Variants in SLA observed in about 807,000 individuals in gnomAD.
SLA encodes the protein Src like adaptor, also known as src-like-adapter.
In SLA, 16 loss-of-function variants were observed where a neutral mutation model predicts 30.3. That is an observed-to-expected ratio of 0.53 (90% CI 0.36 to 0.80). SLA has a LOEUF of 0.80. Ranked by LOEUF, SLA falls within the 30% of genes least tolerant of loss-of-function variation. The pLI is 0.01. For synonymous variants in SLA, 143 were observed against 137.8 expected, an observed-to-expected ratio of 1.04 and a Z score of -0.26; for missense variants, 310 against 345.2, an observed-to-expected ratio of 0.90 and a Z score of 0.81.
intron 1 of SLA, chr8:133,096,195 A>C (rs1262994175): frequency 6.2e-7 from 1 of 1,614,208 alleles, no homozygotes; most frequent in Admixed American, 1.7e-5. Flanking sequence ...TTATTGTTGC[A>C]TCCAATGCAG....
Position 133,050,923 on chromosome 8 carries a change from A to T in SLA, c.62-8T>A. On this transcript the variant is annotated splice_polypyrimidine_tract_variant and splice_region_variant and intron_variant, in intron 3 of 8. Coordinates refer to ENST00000338087, the MANE Select transcript of SLA (RefSeq NM_001045556.3). Reference sequence around the variant, plus strand: ...GGAAGTCGCTATCCAGTCCTGGGGAAACAAAGGCAAGGGGGAAGGGGGCAA... The same window carrying T: ...GGAAGTCGCTATCCAGTCCTGGGGATACAAAGGCAAGGGGGAAGGGGGCAA... The T allele has an allele frequency of 6.3e-7, 1 of 1,589,644 alleles. No homozygotes were observed.
intron 3 of SLA, among the ~76,000 whole-genome samples, chr8:133,056,009 G>T (rs1255949662): frequency 6.6e-6 from 1 of 152,124 alleles, no homozygotes. Context: ...GGCACAGTGA[G>T]GTCCAGAGAC....
chr8:133,060,093 G>C lies in SLA; in HGVS notation c.61+7C>G, dbSNP rs750513703. 4.4e-6 allele frequency: 7 copies of C among 1,591,482 alleles called. No homozygotes were observed. In the East Asian group the frequency reaches 1.6e-4, roughly 36 times the overall value. On this transcript the variant is annotated splice_region_variant and intron_variant, in intron 3 of 8. Coordinates refer to ENST00000338087, the MANE Select transcript of SLA (RefSeq NM_001045556.3). ...CTCAAGCATCTCACCAGAGAAGCCA[G>C]ACTTACCCTCCGGGTTGGGCAGGGG...
intron 8 of SLA, among the ~76,000 whole-genome samples, chr8:133,039,561 GT>G (rs1837762238): frequency 6.6e-6 from 1 of 152,036 alleles, no homozygotes; most frequent in Non-Finnish European, 1.5e-5. Context: ...ATCCATGAAA[GT>G]TTTTTTCTCT....
At chr8:133,101,386 G>A (rs538951965) in intron 1 of SLA, among the ~76,000 whole-genome samples, 7 of 152,252 alleles carry the variant, frequency 4.6e-5, no homozygotes, top group Admixed American at 3.9e-4. Flanking sequence ...TTGGGCTTGT[G>A]CATTTCTCTG....
intron 1 of SLA, among the ~76,000 whole-genome samples, chr8:133,090,730 A>C (rs1373379193): frequency 6.6e-6 from 1 of 152,176 alleles, no homozygotes; most frequent in Non-Finnish European, 1.5e-5. Flanking sequence ...TGATCATAAT[A>C]TCTCCATTTT....
rs531996021 is a variant in SLA, at chr8:133,099,080, G to T, written c.-319+3473C>A. Among the ~76,000 whole-genome samples, 14 of 152,304 alleles carry T rather than the reference G, an allele frequency of 9.2e-5. No individual in the cohort carries two copies. In the South Asian group the frequency reaches 2.9e-3, roughly 32 times the overall value. On this transcript the variant is annotated intron_variant, in intron 1 of 8. Coordinates refer to ENST00000338087, the MANE Select transcript of SLA (RefSeq NM_001045556.3). Reference sequence around the variant, plus strand: ...TTTGTTTACTTGCAAAGAAAGATGGGGCCACCAGCAGGAGGCTCACTGCCA... The same window carrying T: ...TTTGTTTACTTGCAAAGAAAGATGGTGCCACCAGCAGGAGGCTCACTGCCA...
At position 133,045,109 on chromosome 8, in the gene SLA, T is replaced by G; in HGVS notation, c.359A>C (p.Tyr120Ser). The stretch of plus-strand genomic sequence containing the variant: ...CTGCCTGTGTCTCACCGACAGTGAG[T>G]AAAACCCTGCAGGAGGTGGAGGATA... Reference protein sequence around the residue: ...IRESETKKGFYSLSVRHRQVK... With the variant: ...IRESETKKGFSSLSVRHRQVK... Residue 120 changes from tyrosine (Y) to serine (S), a missense_variant, in exon 7 of 9, where the codon TAC (tyrosine) becomes TCC (serine). Coordinates refer to ENST00000338087, the MANE Select transcript of SLA (RefSeq NM_001045556.3). 1 of 1,614,064 alleles carries G rather than the reference T, an allele frequency of 6.2e-7. No homozygotes were observed.
chr8:133,078,087 C>T (rs1845179600), intron 1 of SLA, among the ~76,000 whole-genome samples: 2 of 152,212 alleles, frequency 1.3e-5, no homozygotes, highest in South Asian at 2.1e-4. Flanking sequence ...TCTGCCTGTG[C>T]TCTCTGGTAC....
At chr8:133,058,702 G>A (rs532819539) in intron 3 of SLA, among the ~76,000 whole-genome samples, 2 of 152,342 alleles carry the variant, frequency 1.3e-5, no homozygotes, top group Admixed American at 1.3e-4. Context: ...CAGCAGCTCA[G>A]CCACCCTGCA....
intron 2 of SLA, among the ~76,000 whole-genome samples, chr8:133,069,243 C>T (rs1278254381): frequency 6.6e-6 from 1 of 152,222 alleles, no homozygotes; most frequent in Non-Finnish European, 1.5e-5. Flanking sequence ...GCAAGAGTTA[C>T]TTTTCCTTTT....
intron 6 of SLA, chr8:133,047,435 C>T (rs569759236): frequency 5.0e-6 from 1 of 201,130 alleles, no homozygotes; most frequent in South Asian, 6.4e-5. Flanking sequence ...CTCCATTTCA[C>T]AGATGAGAAA....
intron 2 of SLA, among the ~76,000 whole-genome samples, chr8:133,071,873 G>A (rs1302133541): frequency 6.6e-6 from 1 of 152,156 alleles, no homozygotes; most frequent in Non-Finnish European, 1.5e-5. Context: ...TAGGGTTCAT[G>A]TCTATTATAT....
At chr8:133,061,270 A>G (rs1842333289) in intron 2 of SLA, among the ~76,000 whole-genome samples, 1 of 152,146 alleles carries the variant, frequency 6.6e-6, no homozygotes, top group Non-Finnish European at 1.5e-5. Flanking sequence ...TGGCCTCCCA[A>G]TGTGGTGGGA....
At chr8:133,079,205 C>G (rs1211760704) in intron 1 of SLA, among the ~76,000 whole-genome samples, 2 of 152,198 alleles carry the variant, frequency 1.3e-5, no homozygotes, top group African/African-American at 4.8e-5. Flanking sequence ...GTCAGGAGGT[C>G]AGGCTTTAGG....
chr8:133,080,899 G>A (rs1024433551), intron 1 of SLA, among the ~76,000 whole-genome samples: 12 of 152,190 alleles, frequency 7.9e-5, no homozygotes, highest in African/African-American at 2.4e-4. Flanking sequence ...CTTCCTAGAT[G>A]CCTCTCAACC....
intron 1 of SLA, among the ~76,000 whole-genome samples, chr8:133,089,083 G>A (rs921776243): frequency 2.0e-5 from 3 of 152,104 alleles, no homozygotes; most frequent in South Asian, 2.1e-4. Flanking sequence ...AGGAGAGGTC[G>A]GTGCGAGGGT....
chr8:133,049,275 G>A (rs1839996780), intron 5 of SLA: 1 of 408,238 alleles, frequency 2.4e-6, no homozygotes, highest in East Asian at 7.3e-5. Flanking sequence ...TTCAAGGAAG[G>A]CACATAAGCA....
chr8:133,075,433 G>A (rs1462574078), intron 1 of SLA, among the ~76,000 whole-genome samples: 6 of 152,150 alleles, frequency 3.9e-5, no homozygotes, highest in Non-Finnish European at 8.8e-5. Context: ...CAATGACTTG[G>A]TGCCAATGTG....
Sources: gnomAD v4.1 joint callset for allele counts (sites outside exome capture counted in the v4.1 genomes callset) on GRCh38, gnomAD v4.1.1 for gene constraint, MANE v1.5 for transcripts, NCBI Gene and HGNC (gene_info 2026-07-23, HGNC 2026-07-21) for gene names.